PKNOX2: variants seen among roughly 807,000 people sequenced by gnomAD.
The protein encoded by PKNOX2 is homeobox protein PKNOX2.
PKNOX2 carries 14 observed loss-of-function variants against 53.1 expected under a neutral mutation model. The ratio of observed to expected loss-of-function variants is 0.26; its 90% CI spans 0.17 to 0.41. The LOEUF is 0.41. PKNOX2 is among the 10% of genes least tolerant of loss of function. The pLI, the probability that PKNOX2 is intolerant of heterozygous loss-of-function variation, is 1.00. For synonymous variants in PKNOX2, 257 were observed against 242.8 expected (o/e 1.06, Z -0.54); for missense variants, 496 against 602.8 (o/e 0.82, Z 1.85).
intron 1 of PKNOX2, among the ~76,000 whole-genome samples, chr11:125,207,670 C>A (rs1939298762): frequency 6.6e-6 from 1 of 152,062 alleles, no homozygotes; most frequent in African/African-American, 2.4e-5. Flanking sequence ...CGCTTGTCGG[C>A]ATGAAAGCTA....
intron 4 of PKNOX2, among the ~76,000 whole-genome samples, chr11:125,365,383 C>T (rs1253758335): frequency 6.6e-6 from 1 of 151,934 alleles, no homozygotes; most frequent in African/African-American, 2.4e-5. Context: ...TTGACAGACA[C>T]TTTTGATATA....
chr11:125,302,946 T>C (rs1003211047), intron 2 of PKNOX2, among the ~76,000 whole-genome samples: 1 of 152,214 alleles, frequency 6.6e-6, no homozygotes, highest in Non-Finnish European at 1.5e-5. Context: ...GTGGACCATC[T>C]CATGGCTAGT....
chr11:125,323,976 C>T (rs965400106), intron 2 of PKNOX2, among the ~76,000 whole-genome samples: 5 of 152,032 alleles, frequency 3.3e-5, no homozygotes, highest in Admixed American at 6.5e-5. Flanking sequence ...AAAGGCCATC[C>T]GGAGCTCAGT....
At chr11:125,189,260 T>C (rs1342965110) in intron 1 of PKNOX2, among the ~76,000 whole-genome samples, 1 of 150,622 alleles carries the variant, frequency 6.6e-6, no homozygotes, top group East Asian at 1.9e-4. Context: ...TCAGCCCACA[T>C]TGGAGTTATC....
At chr11:125,312,894 T>C (rs1276918128) in intron 2 of PKNOX2, among the ~76,000 whole-genome samples, 1 of 151,602 alleles carries the variant, frequency 6.6e-6, no homozygotes, top group African/African-American at 2.4e-5. Context: ...GTAGATAAGG[T>C]AGGAAAGGGC....
chr11:125,231,914 T>C (rs1249352864), intron 1 of PKNOX2, among the ~76,000 whole-genome samples: 1 of 152,224 alleles, frequency 6.6e-6, no homozygotes, highest in Non-Finnish European at 1.5e-5. Flanking sequence ...TCGAATGCTG[T>C]TCAACACTTT....
chr11:125,407,597 T>G (rs1955183959), intron 7 of PKNOX2, among the ~76,000 whole-genome samples: 1 of 151,844 alleles, frequency 6.6e-6, no homozygotes, highest in Non-Finnish European at 1.5e-5. Flanking sequence ...AGGTACCCAC[T>G]CCCCCATTAA....
intron 2 of PKNOX2, among the ~76,000 whole-genome samples, chr11:125,301,943 G>T (rs1205956934): frequency 1.3e-5 from 2 of 152,230 alleles, no homozygotes; most frequent in African/African-American, 2.4e-5. Context: ...TGTGTGCAAA[G>T]TTCGGGGCAT....
At chr11:125,258,291 G>A (rs368839342) in intron 2 of PKNOX2, among the ~76,000 whole-genome samples, 10 of 151,936 alleles carry the variant, frequency 6.6e-5, no homozygotes, top group South Asian at 2.1e-4. Flanking sequence ...CATATACTCC[G>A]GGAAGTTTAA....
rs1956200311 is a variant in PKNOX2 at position 125,422,052 on chromosome 11, G to A, written c.937-6960G>A. On this transcript the variant is annotated intron_variant, in intron 10 of 12. Coordinates refer to ENST00000298282, the MANE Select transcript of PKNOX2 (RefSeq NM_001382323.2). This position sits in a 1 kb window ranked among gnomAD's most constrained non-coding sequence, Gnocchi z 4.1. The stretch of plus-strand genomic sequence containing the variant: ...GAAGGATGGCTAGGATTTAGGATTG[G>A]GTAGGAAGAGAAAAAGGAGGGGTCA... Among the ~76,000 whole-genome samples the A allele has an allele frequency of 6.6e-6, 1 of 152,108 alleles. No homozygotes were observed. The highest frequency in any genetic ancestry group is 1.5e-5 in the Non-Finnish European group (1 of 68,014).
intron 2 of PKNOX2, among the ~76,000 whole-genome samples, chr11:125,259,380 T>C (rs907144216): frequency 2.0e-5 from 3 of 152,198 alleles, no homozygotes; most frequent in Non-Finnish European, 4.4e-5. Flanking sequence ...CTGACAACTT[T>C]TTTTATTCTG....
At chr11:125,187,558 A>G (rs986978451) in intron 1 of PKNOX2, among the ~76,000 whole-genome samples, 7 of 152,178 alleles carry the variant, frequency 4.6e-5, no homozygotes, top group Non-Finnish European at 8.8e-5. Flanking sequence ...TATTAGTTCT[A>G]GTAACTTTCT....
intron 2 of PKNOX2, among the ~76,000 whole-genome samples, chr11:125,310,006 T>G (rs1039167338): frequency 6.6e-6 from 1 of 152,212 alleles, no homozygotes; most frequent in African/African-American, 2.4e-5. Context: ...GCTACTCTTC[T>G]TCATCCTACC....
At chr11:125,294,646 T>C (rs1361297777) in intron 2 of PKNOX2, among the ~76,000 whole-genome samples, 1 of 152,116 alleles carries the variant, frequency 6.6e-6, no homozygotes, top group Non-Finnish European at 1.5e-5. Context: ...GGAAAAGGTG[T>C]GGGCTTGGAA....
intron 10 of PKNOX2, among the ~76,000 whole-genome samples, chr11:125,419,720 A>G (rs752911658): frequency 2.7e-4 from 41 of 151,986 alleles, no homozygotes; most frequent in Middle Eastern, 3.4e-3. Flanking sequence ...TTGCTTTACT[A>G]TTCCCACTCA....
chr11:125,298,688 T>C (rs1011549849), intron 2 of PKNOX2, among the ~76,000 whole-genome samples: 2 of 152,142 alleles, frequency 1.3e-5, no homozygotes, highest in South Asian at 2.1e-4. Flanking sequence ...AATGAATGAA[T>C]TGATGGATGG....
chr11:125,319,195 A>C (rs1174310584), intron 2 of PKNOX2, among the ~76,000 whole-genome samples: 2 of 152,190 alleles, frequency 1.3e-5, no homozygotes, highest in East Asian at 3.8e-4. Flanking sequence ...CCTAATTTTA[A>C]TATTGTTGTG....
chr11:125,333,545 C>T (rs191785676), intron 3 of PKNOX2, among the ~76,000 whole-genome samples: 1 of 140,284 alleles, frequency 7.1e-6, no homozygotes, highest in Non-Finnish European at 1.5e-5. Flanking sequence ...GACACACACA[C>T]ACATACACAC....
chr11:125,175,205 G>A (rs1055573871), intron 1 of PKNOX2, among the ~76,000 whole-genome samples: 5 of 121,220 alleles, frequency 4.1e-5, no homozygotes, highest in African/African-American at 1.3e-4. Context: ...CTGGGTTTGA[G>A]GAGAAGGAAG....
Sources: allele counts gnomAD v4.1 joint callset (sites outside exome capture counted in the v4.1 genomes callset), GRCh38; gene constraint gnomAD v4.1.1; non-coding constraint Gnocchi (gnomAD v3.1); transcripts MANE v1.5; gene names NCBI Gene and HGNC (gene_info 2026-07-23, HGNC 2026-07-21).